Variants in IQSEC2 observed in about 807,000 individuals in gnomAD.
IQSEC2 encodes the protein IQ motif and Sec7 domain ArfGEF 2.
In IQSEC2, 6 loss-of-function variants were observed where a neutral mutation model predicts 74.6. The ratio of observed to expected loss-of-function variants is 0.08; its 90% confidence interval spans 0.04 to 0.16. The LOEUF is 0.16. Ranked by LOEUF, IQSEC2 falls within the 10% of genes least tolerant of loss-of-function variation. IQSEC2 has a pLI of 1.00. For missense variants in IQSEC2, 734 were observed against 1,306.2 expected, an observed-to-expected ratio of 0.56 and a Z score of 6.75; for synonymous variants, 494 against 544.5, an observed-to-expected ratio of 0.91 and a Z score of 1.29.
chrX:53,248,065 G>A, intron 7 of IQSEC2, 49 bp downstream of exon 7: 2 of 1,200,784 alleles, frequency 1.7e-6, no homozygotes, highest in Admixed American at 2.2e-5. Context: ...ATACTACGTC[G>A]ATGCCCACAG....
intron 4 of IQSEC2, among the ~76,000 whole-genome samples, chrX:53,251,735 G>T (rs1359798643): frequency 2.7e-5 from 3 of 112,097 alleles, no homozygotes; most frequent in African/African-American, 9.7e-5. Flanking sequence ...TGGCAGAAGC[G>T]AATGTATGTC....
chrX:53,301,985 C>T (rs1443477898), intron 1 of IQSEC2, among the ~76,000 whole-genome samples: 2 of 112,130 alleles, frequency 1.8e-5, no homozygotes, highest in Non-Finnish European at 3.8e-5. Flanking sequence ...GTCAGACAGG[C>T]CTGGATTTGG....
chrX:53,291,513 A>C (rs1280942730), intron 2 of IQSEC2, among the ~76,000 whole-genome samples: 1 of 111,076 alleles, frequency 9.0e-6, no homozygotes, highest in Non-Finnish European at 1.9e-5. Flanking sequence ...CAGGGTGGAA[A>C]GTGAACGCTA....
intron 2 of IQSEC2, among the ~76,000 whole-genome samples, chrX:53,269,140 T>C (rs1197874345): frequency 8.9e-6 from 1 of 111,956 alleles, no homozygotes; most frequent in Non-Finnish European, 1.9e-5. Flanking sequence ...CCACTTAGAA[T>C]ACTCTTCCCT....
At chrX:53,246,799 C>T (rs1341190831) in intron 8 of IQSEC2, among the ~76,000 whole-genome samples, 170 bp downstream of exon 8, 8 of 111,429 alleles carry the variant, frequency 7.2e-5, no homozygotes, top group Admixed American at 4.8e-4. Context: ...GGGCAAATGA[C>T]GATTTGAGTG....
In IQSEC2 at chrX:53,233,544, A is replaced by AGCCGAAGAGGTCTGGGCTGGG; in HGVS notation, c.*654_*674dup. The AGCCGAAGAGGTCTGGGCTGGG allele has an allele frequency of 6.4e-6, 1 of 156,767 alleles. No individual in the cohort carries two copies. Among genetic ancestry groups the AGCCGAAGAGGTCTGGGCTGGG allele is most frequent in the Non-Finnish European group, 1.2e-5 (1 of 81,429 alleles). The allele number at this position is 156,767 out of a possible 1,213,427, so 12.9% of individuals were successfully genotyped here. A position where few individuals can be genotyped will look rare whatever the true frequency, so the allele number is the denominator to read the frequency against. The stretch of plus-strand genomic sequence containing the variant: ...GTTGCAGGGCGAGGCAAGTTCCTGA[A>AGCCGAAGAGGTCTGGGCTGGG]GCCGAAGAGGTCTGGGCTGGGGCCT... On this transcript the variant is annotated 3_prime_UTR_variant, in exon 15 of 15. Transcript: ENST00000642864.
intron 4 of IQSEC2, among the ~76,000 whole-genome samples, chrX:53,254,185 C>G (rs782312918): frequency 9.1e-6 from 1 of 110,094 alleles, no homozygotes; most frequent in African/African-American, 3.3e-5. Context: ...ACAAAATTAG[C>G]CGGGCGTGGT....
Position 53,292,936 on chromosome X carries a change from C to T in IQSEC2, c.708-1012G>A, listed in dbSNP as rs184669217. On this transcript the variant is annotated intron_variant, in intron 1 of 14. Coordinates refer to ENST00000642864, the MANE Select transcript of IQSEC2 (RefSeq NM_001111125.3). ...GGGACACGGACATCCCCCTTGTCAT[C>T]TTCCTCCATCTTCACCTCAGGCCTC... 6.1e-4 allele frequency among the ~76,000 whole-genome samples: 68 copies of T among 111,940 alleles called. No individual in the cohort carries two copies. The Middle Eastern group carries it at 0.018, about 30-fold the overall frequency.
intron 2 of IQSEC2, chrX:53,281,449 C>T: frequency 1.3e-6 from 1 of 768,716 alleles, no homozygotes; most frequent in Non-Finnish European, 1.9e-6. Context: ...TGGGTCCAGG[C>T]CTGGGCAGGA....
downstream of IQSEC2, chrX:53,231,108 C>T (rs1455785270): frequency 8.9e-6 from 1 of 112,899 alleles, no homozygotes; most frequent in Non-Finnish European, 1.9e-5. Flanking sequence ...TTAGTGCCAT[C>T]TGTGCTGTGC....
At chrX:53,252,138 G>T (rs1409382229) in intron 4 of IQSEC2, among the ~76,000 whole-genome samples, 1 of 112,192 alleles carries the variant, frequency 8.9e-6, no homozygotes, top group Non-Finnish European at 1.9e-5. Flanking sequence ...TCACCTCACT[G>T]CAACCTGCAC....
rs193236881 is a variant in IQSEC2, at chrX:53,318,557, A to G, written c.707+1860T>C. ...TTTCACTGGGCTTTCTACCTGATTC[A>G]GGAATCATGCTTCCTCCAGTTCTCC... On this transcript the variant is annotated intron_variant, in intron 1 of 14. Coordinates refer to ENST00000642864, the MANE Select transcript of IQSEC2 (RefSeq NM_001111125.3). Among the ~76,000 whole-genome samples, 449 of 112,463 alleles carry G rather than the reference A, an allele frequency of 4.0e-3. 2 individuals are homozygous for G. The highest frequency in any genetic ancestry group is 9.6e-3 in the Admixed American group (103 of 10,730).
intron 2 of IQSEC2, among the ~76,000 whole-genome samples, chrX:53,278,338 T>C (rs1374232993): frequency 9.0e-6 from 1 of 111,523 alleles, no homozygotes; most frequent in Non-Finnish European, 1.9e-5. Flanking sequence ...AACTTTTTTT[T>C]CATCTCCTTA....
At chrX:53,301,178 G>A (rs1339419231) in intron 1 of IQSEC2, among the ~76,000 whole-genome samples, 2 of 112,166 alleles carry the variant, frequency 1.8e-5, no homozygotes, top group Non-Finnish European at 3.8e-5. Context: ...ACTGTGAGGC[G>A]GGGGGCATAA....
chrX:53,257,622 G>A (rs782641982), intron 2 of IQSEC2, among the ~76,000 whole-genome samples: 5 of 111,197 alleles, frequency 4.5e-5, no homozygotes, highest in African/African-American at 1.6e-4. Context: ...GCCCAGTTTT[G>A]ATCAACTGTC....
chrX:53,320,781 C>A lies in IQSEC2; in HGVS notation c.343G>T (p.Gly115Cys), dbSNP rs781984542. ...SQFHQAARDV[G>C]YPNREGAYQN... The stretch of plus-strand genomic sequence containing the variant: ...TAGGCGCCTTCCCGGTTCGGGTAGC[C>A]CACGTCCCGGGCCGCCTGGTGGAAC... The change falls in exon 1 of 15, where the codon GGC becomes TGC. Residue 115 changes from glycine to cysteine, a missense_variant. Physicochemically the swap from Gly to Cys is radical, Grantham distance 159. Around this residue, in one of 12 missense-constraint regions of IQSEC2, gnomAD observed 134 missense variants for 214.9 expected, o/e 0.62. Coordinates refer to ENST00000642864, the MANE Select transcript of IQSEC2 (RefSeq NM_001111125.3). The A allele has an allele frequency of 1.0e-4, 118 of 1,164,885 alleles. No homozygotes were observed. In the African/African-American group the frequency reaches 2.0e-3, roughly 20 times the overall value.
intron 9 of IQSEC2, 124 bp from the exon 10 acceptor site, chrX:53,242,033 G>T: frequency 1.2e-6 from 1 of 860,547 alleles, no homozygotes; most frequent in Non-Finnish European, 1.7e-6. Flanking sequence ...TGACACAAGG[G>T]GTATCAGCAA....
At position 53,238,132 on chromosome X, in the gene IQSEC2, C is replaced by T. The variant is rs1556860124; in HGVS notation, c.3277+13G>A. The T allele has an allele frequency of 8.4e-7, 1 of 1,194,819 alleles. No homozygotes were observed. Among genetic ancestry groups the T allele is most frequent in the South Asian group, 1.8e-5 (1 of 54,749 alleles). ...TCAGGAGAGCAGGGAGGAGACATGG[C>T]TGGGCTACTCACACTCCACACGGTA... On this transcript the variant is annotated intron_variant, in intron 12 of 14. Transcript: ENST00000642864.
In IQSEC2 at chrX:53,255,781, C is replaced by A; in HGVS notation, c.999+19G>T. Reference sequence around the variant, plus strand: ...CTTGCATCCCGACTCCCATTCCCAACCAGATGCCTCTGTTGCACCTTCTTG... The same window carrying A: ...CTTGCATCCCGACTCCCATTCCCAAACAGATGCCTCTGTTGCACCTTCTTG... On this transcript the variant is annotated intron_variant, in intron 3 of 14. Coordinates refer to ENST00000642864, the MANE Select transcript of IQSEC2 (RefSeq NM_001111125.3). 8.3e-7 allele frequency: 1 copy of A among 1,211,619 alleles called. No homozygotes were observed. Among genetic ancestry groups the A allele is most frequent in the Non-Finnish European group, 1.1e-6 (1 of 895,283 alleles).
Sources: gnomAD v4.1 joint callset for allele counts (sites outside exome capture counted in the v4.1 genomes callset) on GRCh38, gnomAD v4.1.1 for gene constraint, gnomAD v4.1.1 regional missense constraint, MANE v1.5 for transcripts, NCBI Gene and HGNC (gene_info 2026-07-23, HGNC 2026-07-21) for gene names.